Variants in CDH13 observed in about 807,000 individuals in gnomAD.
CDH13 encodes cadherin 13, also known as cadherin-13.
CDH13 carries 24 observed loss-of-function variants against 63.8 expected under a neutral mutation model. The ratio of observed to expected loss-of-function variants is 0.38; its 90% CI spans 0.27 to 0.53. The LOEUF is 0.53. Ranked by LOEUF, CDH13 falls within the 20% of genes least tolerant of loss-of-function variation. The pLI, the probability that CDH13 is intolerant of heterozygous loss-of-function variation, is 0.85. For synonymous variants in CDH13, 503 were observed against 355.3 expected, an observed-to-expected ratio of 1.42 and a Z score of -4.67; for missense variants, 1,049 against 903.1, an observed-to-expected ratio of 1.16 and a Z score of -2.07.
chr16:83,271,422 T>TTA lies in CDH13; in HGVS notation c.636+53925_636+53926insTA, dbSNP rs1555522986. Among the ~76,000 whole-genome samples the TTA allele has an allele frequency of 1.3e-3, 34 of 26,032 alleles. 8 individuals carry two copies. Among genetic ancestry groups the TTA allele is most frequent in the South Asian group, 0.01 (5 of 484 alleles). 17.1% of individuals were successfully genotyped at this position (26,032 alleles called of 152,430 possible). On this transcript the variant is annotated intron_variant, in intron 5 of 13. Coordinates refer to ENST00000567109, the MANE Select transcript of CDH13 (RefSeq NM_001257.5). ...CTACCGCACATTGAGGCAGAGTTCA[T>TTA]AAAAAAAAAAAAAAAAAAAAAAAAA...
chr16:82,668,907 T>C (rs1352571106), intron 1 of CDH13, among the ~76,000 whole-genome samples: 1 of 152,174 alleles, frequency 6.6e-6, no homozygotes, highest in African/African-American at 2.4e-5. Flanking sequence ...TCTGTGCATG[T>C]GAGTTTACCC....
chr16:82,628,291 AAG>A (rs1385920898), intron 1 of CDH13, among the ~76,000 whole-genome samples: 1 of 152,136 alleles, frequency 6.6e-6, no homozygotes, highest in Non-Finnish European at 1.5e-5. Context: ...TAAGGAGGGA[AAG>A]AGACAGGGAG....
chr16:83,185,873 A>G (rs2038501303), intron 4 of CDH13, among the ~76,000 whole-genome samples: 1 of 152,142 alleles, frequency 6.6e-6, no homozygotes, highest in South Asian at 2.1e-4. Flanking sequence ...TTGCCTGCCC[A>G]TCTCCTGTTC....
At chr16:82,921,811 G>T (rs972537545) in intron 2 of CDH13, among the ~76,000 whole-genome samples, 4 of 152,076 alleles carry the variant, frequency 2.6e-5, no homozygotes, top group African/African-American at 7.2e-5. Context: ...GGGAGAGTTT[G>T]TAAAATACTG....
At chr16:82,947,106 C>A (rs527646337) in intron 2 of CDH13, among the ~76,000 whole-genome samples, 1 of 151,182 alleles carries the variant, frequency 6.6e-6, no homozygotes, top group African/African-American at 2.4e-5. Flanking sequence ...TGATTACTGT[C>A]AATGCTAGCT....
intron 7 of CDH13, among the ~76,000 whole-genome samples, chr16:83,561,285 A>T (rs531365107): frequency 7.4e-4 from 87 of 118,184 alleles, no homozygotes; most frequent in Non-Finnish European, 1.3e-3. Context: ...CATCTCTACT[A>T]AAAAAAAAAA....
At chr16:82,848,409 A>C (rs1415123598) in intron 1 of CDH13, among the ~76,000 whole-genome samples, 1 of 152,200 alleles carries the variant, frequency 6.6e-6, no homozygotes, top group Non-Finnish European at 1.5e-5. Flanking sequence ...ACAACTCTGC[A>C]CTGAGCAAGT....
chr16:83,206,803 C>T (rs983097018), intron 4 of CDH13, among the ~76,000 whole-genome samples: 2 of 152,164 alleles, frequency 1.3e-5, no homozygotes, highest in Non-Finnish European at 2.9e-5. Flanking sequence ...TTATTTTCTC[C>T]AATCAAGAGA....
chr16:82,928,646 A>G (rs140031812), intron 2 of CDH13, among the ~76,000 whole-genome samples: 3 of 152,240 alleles, frequency 2.0e-5, no homozygotes, highest in Non-Finnish European at 4.4e-5. Flanking sequence ...TGTCCAAGGT[A>G]AGAGTTGTGT....
chr16:82,663,370 T>G (rs932722420), intron 1 of CDH13, among the ~76,000 whole-genome samples: 1 of 151,938 alleles, frequency 6.6e-6, no homozygotes, highest in Non-Finnish European at 1.5e-5. Context: ...ATTTTTAGTA[T>G]AGATGGGTTT....
At chr16:83,160,846 T>C (rs895339380) in intron 4 of CDH13, among the ~76,000 whole-genome samples, 2 of 152,132 alleles carry the variant, frequency 1.3e-5, no homozygotes, top group African/African-American at 4.8e-5. Context: ...AAACATCAGG[T>C]GAGAAAAACA....
At chr16:82,694,662 C>T (rs575939168) in intron 1 of CDH13, among the ~76,000 whole-genome samples, 7 of 152,144 alleles carry the variant, frequency 4.6e-5, no homozygotes, top group Non-Finnish European at 8.8e-5. Flanking sequence ...CAAAATATTT[C>T]CCTTTTCTGA....
chr16:83,774,232 A>T (rs1027332804), intron 11 of CDH13, among the ~76,000 whole-genome samples: 3 of 152,214 alleles, frequency 2.0e-5, no homozygotes, highest in Non-Finnish European at 2.9e-5. Context: ...GACAACTATG[A>T]CTATGCTAGC....
intron 1 of CDH13, among the ~76,000 whole-genome samples, chr16:82,727,083 A>G (rs907639970): frequency 3.3e-5 from 5 of 152,112 alleles, no homozygotes; most frequent in Non-Finnish European, 7.4e-5. Context: ...TGGCAAGGGG[A>G]TGAGGGCGGC....
chr16:82,859,081 A>G (rs1277540321), intron 2 of CDH13: 2 of 152,358 alleles, frequency 1.3e-5, no homozygotes, highest in Non-Finnish European at 2.9e-5. Context: ...TTTGTTTTTA[A>G]TGTCAATATT....
Position 82,939,187 on chromosome 16 carries a change from G to A in CDH13, c.157+80714G>A, listed in dbSNP as rs1487863914. Among the ~76,000 whole-genome samples, 10 of 152,166 alleles carry A rather than the reference G, an allele frequency of 6.6e-5. 1 individual carries two copies. The highest frequency in any genetic ancestry group is 1.5e-4 in the Non-Finnish European group (10 of 68,038). On this transcript the variant is annotated intron_variant, in intron 2 of 13. Transcript: ENST00000567109. The stretch of plus-strand genomic sequence containing the variant: ...GCCTGCAATCCCAGACATTTCAGAG[G>A]CTGAGGCAGATGGATCACCTGAGCT...
At chr16:82,707,992 C>G (rs999848942) in intron 1 of CDH13, among the ~76,000 whole-genome samples, 5 of 152,208 alleles carry the variant, frequency 3.3e-5, no homozygotes, top group African/African-American at 1.2e-4. Flanking sequence ...GACTGGCAGG[C>G]TGGCTTTGCC....
intron 1 of CDH13, among the ~76,000 whole-genome samples, chr16:82,846,506 G>A (rs1034786815): frequency 6.6e-6 from 1 of 152,120 alleles, no homozygotes; most frequent in Non-Finnish European, 1.5e-5. Flanking sequence ...GTTGTGTTTT[G>A]CAGATGAGGA....
Position 83,769,128 on chromosome 16 carries a change from G to A in CDH13, c.1682-10840G>A, listed in dbSNP as rs76951401. ...GAGTGGGCAGAAGTGTGGAGATCAA[G>A]AGTACAGGGTGAAGTCATAGGAAGG... On this transcript the variant is annotated intron_variant, in intron 11 of 13. Coordinates refer to ENST00000567109, the MANE Select transcript of CDH13 (RefSeq NM_001257.5). Among the ~76,000 whole-genome samples the A allele has an allele frequency of 5.3e-5, 8 of 152,326 alleles. No homozygotes were observed. The East Asian group carries it at 1.5e-3, about 29-fold the overall frequency.
Sources: gnomAD v4.1 joint callset for allele counts (sites outside exome capture counted in the v4.1 genomes callset) on GRCh38, gnomAD v4.1.1 for gene constraint, MANE v1.5 for transcripts, NCBI Gene and HGNC (gene_info 2026-07-23, HGNC 2026-07-21) for gene names.